YIPF1: variants seen among roughly 807,000 people sequenced by gnomAD.
YIPF1 encodes protein YIPF1.
A neutral mutation model predicts 37.0 loss-of-function variants in YIPF1; 22 were observed. That is an observed-to-expected ratio of 0.59 (90% CI 0.42 to 0.85). YIPF1 has a LOEUF of 0.85. Ranked by LOEUF, YIPF1 falls within the 40% of genes least tolerant of loss-of-function variation. The pLI, the probability that YIPF1 is intolerant of heterozygous loss-of-function variation, is 0.00. For missense variants in YIPF1, 355 were observed against 373.1 expected, an observed-to-expected ratio of 0.95 and a Z score of 0.40; for synonymous variants, 128 against 131.9, an observed-to-expected ratio of 0.97 and a Z score of 0.21.
In YIPF1 at chr1:53,860,020, G is replaced by C. The variant is rs768676158; in HGVS notation, c.*8+36C>G. The C allele has an allele frequency of 4.4e-6, 7 of 1,601,604 alleles. No individual in the cohort carries two copies. In the South Asian group the frequency reaches 7.7e-5, roughly 18 times the overall value. On this transcript the variant is annotated intron_variant, in intron 10 of 10. Coordinates refer to ENST00000072644, the MANE Select transcript of YIPF1 (RefSeq NM_018982.5). Reference sequence around the variant, plus strand: ...ATTGATACACCTGCCCATGTTTTATGGCACCACACAGCAAAATAAAAATAG... The same window carrying C: ...ATTGATACACCTGCCCATGTTTTATCGCACCACACAGCAAAATAAAAATAG...
chr1:53,876,025 C>T (rs781459674), intron 6 of YIPF1, among the ~76,000 whole-genome samples: 3 of 152,120 alleles, frequency 2.0e-5, no homozygotes, highest in Non-Finnish European at 4.4e-5. Flanking sequence ...ATCTCCAGTA[C>T]AATAGCAAGA....
chr1:53,858,828 G>A (rs1273956008), intron 10 of YIPF1, among the ~76,000 whole-genome samples: 2 of 152,162 alleles, frequency 1.3e-5, no homozygotes, highest in Non-Finnish European at 2.9e-5. Context: ...TAGAAACGGG[G>A]TTTTGCCGCA....
At chr1:53,869,866 T>C (rs1557605629) in intron 7 of YIPF1, among the ~76,000 whole-genome samples, 1 of 142,720 alleles carries the variant, frequency 7.0e-6, no homozygotes, top group Non-Finnish European at 1.5e-5. Flanking sequence ...GACTTCTTTC[T>C]CCCCGCTTTT....
At chr1:53,869,447 A>T (rs1650119708) in intron 7 of YIPF1, among the ~76,000 whole-genome samples, 1 of 152,190 alleles carries the variant, frequency 6.6e-6, no homozygotes, top group Non-Finnish European at 1.5e-5. Flanking sequence ...GTCCTGTAAG[A>T]TAAATATTAT....
At chr1:53,871,797 A>AC (rs1650198612) in intron 6 of YIPF1, among the ~76,000 whole-genome samples, 1 of 152,218 alleles carries the variant, frequency 6.6e-6, no homozygotes, top group Admixed American at 6.5e-5. Flanking sequence ...ACCGACAAAG[A>AC]AAAATTCACA....
chr1:53,879,651 A>C (rs566528242), intron 4 of YIPF1, among the ~76,000 whole-genome samples: 56 of 152,240 alleles, frequency 3.7e-4, no homozygotes, highest in Non-Finnish European at 5.9e-4. Flanking sequence ...GAATTCATAC[A>C]GCAAAAAGTA....
intron 10 of YIPF1, 79 bp downstream of exon 10, chr1:53,859,977 A>C (rs1452271218): frequency 6.9e-7 from 1 of 1,451,376 alleles, no homozygotes; most frequent in East Asian, 2.3e-5. Flanking sequence ...CTCTGTGCTT[A>C]AAGCTAACAC....
Position 53,860,038 on chromosome 1 carries a change from A to C in YIPF1, c.*8+18T>G, listed in dbSNP as rs1649823831. 12 of 1,612,744 alleles carry C rather than the reference A, an allele frequency of 7.4e-6. No individual in the cohort carries two copies. The highest frequency in any genetic ancestry group is 1.0e-5 in the Non-Finnish European group (12 of 1,178,984). ...GTTTTATGGCACCACACAGCAAAAT[A>C]AAAATAGAATCTCTTACTTTCCTCA... On this transcript the variant is annotated intron_variant, in intron 10 of 10. Transcript: ENST00000072644.
chr1:53,869,495 C>T (rs1020843127), intron 7 of YIPF1, among the ~76,000 whole-genome samples: 1 of 152,128 alleles, frequency 6.6e-6, no homozygotes, highest in Non-Finnish European at 1.5e-5. Flanking sequence ...GAGGCTCAGA[C>T]ATAAAATAGC....
At chr1:53,866,977 T>A in intron 7 of YIPF1, 53 bp from the exon 8 acceptor site, 1 of 1,555,832 alleles carries the variant, frequency 6.4e-7, no homozygotes, top group African/African-American at 1.4e-5. Flanking sequence ...TAGTAGACTA[T>A]CAGAGCACTT....
chr1:53,866,367 G>A lies in YIPF1; in HGVS notation c.664C>T (p.Pro222Ser). 6.2e-7 allele frequency: 1 copy of A among 1,613,952 alleles called. No homozygotes were observed. ...YIPTAILWII[P>S]QKAVRWILVM... ...AGAATCCAACGAACAGCTTTCTGGG[G>A]GATAATCCACAGTATCTGAAAGAAG... The change falls in exon 9 of 11, where the codon CCC becomes TCC. Residue 222 changes from proline (P) to serine (S), a missense_variant. Coordinates refer to ENST00000072644, the MANE Select transcript of YIPF1 (RefSeq NM_018982.5).
At chr1:53,873,187 G>C (rs1650238921) in intron 6 of YIPF1, among the ~76,000 whole-genome samples, 1 of 152,186 alleles carries the variant, frequency 6.6e-6, no homozygotes, top group Non-Finnish European at 1.5e-5. Flanking sequence ...TGCCTCTAGT[G>C]CACCCATGCA....
chr1:53,888,827 G>T, intron 3 of YIPF1, 80 bp downstream of exon 3: 2 of 1,311,998 alleles, frequency 1.5e-6, no homozygotes, highest in Non-Finnish European at 2.1e-6. Flanking sequence ...AATGTGTGAG[G>T]CAGTATAGGA....
At chr1:53,876,013 G>A (rs1459760372) in intron 6 of YIPF1, among the ~76,000 whole-genome samples, 3 of 152,130 alleles carry the variant, frequency 2.0e-5, no homozygotes, top group African/African-American at 7.2e-5. Context: ...TTTCACTGCT[G>A]TATCTCCAGT....
intron 10 of YIPF1, among the ~76,000 whole-genome samples, chr1:53,859,347 T>G (rs1305358547): frequency 2.6e-5 from 4 of 152,188 alleles, no homozygotes; most frequent in Non-Finnish European, 4.4e-5. Flanking sequence ...CAAAGTGTAA[T>G]GGGATCACCA....
rs1172932791 is a variant in YIPF1 at position 53,889,288 on chromosome 1, T to G, written c.-94A>C. The G allele has an allele frequency of 4.8e-6, 1 of 207,180 alleles. No homozygotes were observed. The highest frequency in any genetic ancestry group is 9.9e-6 in the Non-Finnish European group (1 of 100,640). The allele number at this position is 207,180 out of a possible 1,614,324, so 12.8% of individuals were successfully genotyped here. A position where few individuals can be genotyped will look rare whatever the true frequency, so the allele number is the denominator to read the frequency against. On this transcript the variant is annotated 5_prime_UTR_variant, in exon 2 of 11. Transcript: ENST00000072644. ...CAGGTGCAGCCTAGAGATGTAACGA[T>G]GAGGAAGGAGAGGCTGAGGTTTGAA...
intron 6 of YIPF1, 85 bp from the exon 7 acceptor site, chr1:53,871,573 T>C (rs190402033): frequency 3.0e-5 from 33 of 1,117,144 alleles, no homozygotes; most frequent in Non-Finnish European, 4.2e-5. Context: ...CTTCCTCTTG[T>C]ATTCATGTTA....
At chr1:53,853,265 T>A (rs1649640856) in intron 10 of YIPF1, among the ~76,000 whole-genome samples, 1 of 152,206 alleles carries the variant, frequency 6.6e-6, no homozygotes, top group South Asian at 2.1e-4. Flanking sequence ...TTAATTATAA[T>A]CTTAACTTGC....
At chr1:53,866,651 A>G in intron 8 of YIPF1, 107 bp downstream of exon 8, 3 of 1,369,046 alleles carry the variant, frequency 2.2e-6, no homozygotes, top group Non-Finnish European at 3.0e-6. Context: ...TTTCAGAAGA[A>G]CATGAGTATT....
Sources: gnomAD v4.1 joint callset for allele counts (sites outside exome capture counted in the v4.1 genomes callset) on GRCh38, gnomAD v4.1.1 for gene constraint, MANE v1.5 for transcripts, NCBI Gene and HGNC (gene_info 2026-07-23, HGNC 2026-07-21) for gene names.